Variants in NCOR1 observed in about 807,000 individuals in gnomAD.
The protein encoded by NCOR1 is nuclear receptor corepressor 1.
NCOR1 carries 63 observed loss-of-function variants against 288.1 expected under a neutral mutation model. That is an observed-to-expected ratio of 0.22 (90% CI 0.18 to 0.27). The LOEUF (loss-of-function observed/expected upper bound fraction) is 0.27, where lower values mean the gene tolerates loss of function less well. Ranked by LOEUF, NCOR1 falls within the 10% of genes least tolerant of loss-of-function variation. The pLI is 1.00. For missense variants in NCOR1, 2,397 were observed against 3,019.2 expected (o/e 0.79, Z 4.83); for synonymous variants, 1,007 against 1,065.9 (o/e 0.94, Z 1.08).
At chr17:16,169,077 C>T (rs1348827114) in intron 4 of NCOR1, among the ~76,000 whole-genome samples, 2 of 151,986 alleles carry the variant, frequency 1.3e-5, no homozygotes, top group African/African-American at 4.8e-5. Context: ...TTTATTTATG[C>T]ATATGTGGAA....
rs569074674 is a variant in NCOR1 at position 16,067,909 on chromosome 17, T to C, written c.4726A>G (p.Arg1576Gly). The change falls in exon 32 of 46, where the codon AGG becomes GGG. Residue 1576 changes from arginine (R) to glycine (G), a missense_variant. This residue lies in a region of NCOR1 where 1,872 missense variants were observed against 2,187.8 expected (regional missense o/e 0.86). Transcript: ENST00000268712. ...THLDPAMPFH[R>G]ALDPAAAAYL... ...TTGTGTTTACCAGGATCCAAAGCCC[T>C]GTGAAAAGGCATGGCTGGATCCAAG... The C allele has an allele frequency of 1.2e-6, 2 of 1,613,528 alleles. No individual in the cohort carries two copies. The highest frequency in any genetic ancestry group is 1.7e-6 in the Non-Finnish European group (2 of 1,179,692).
rs2063246882 is a variant in NCOR1, at chr17:16,080,593, A to G, written c.3298+14T>C. 1 of 1,614,170 alleles carries G rather than the reference A, an allele frequency of 6.2e-7. No homozygotes were observed. The highest frequency in any genetic ancestry group is 2.2e-5 in the East Asian group (1 of 44,880). The stretch of plus-strand genomic sequence containing the variant: ...ACAAACGTAGATGCATTATGACTGT[A>G]TTAACTCACTGACCTGATTTGGCAG... On this transcript the variant is annotated intron_variant, in intron 24 of 45. Coordinates refer to ENST00000268712, the MANE Select transcript of NCOR1 (RefSeq NM_006311.4).
At chr17:16,163,948 T>C (rs185962915) in intron 5 of NCOR1, among the ~76,000 whole-genome samples, 27 of 152,294 alleles carry the variant, frequency 1.8e-4, no homozygotes, top group Admixed American at 3.3e-4. Flanking sequence ...TGCTAGTCCA[T>C]AGAGACAGAG....
chr17:16,138,674 C>T (rs2076768486), intron 12 of NCOR1, among the ~76,000 whole-genome samples: 1 of 152,180 alleles, frequency 6.6e-6, no homozygotes, highest in Admixed American at 6.5e-5. Context: ...TTTTAAAGGG[C>T]ACAGATTTCT....
At chr17:16,214,572 G>A (rs534533172) in intron 1 of NCOR1, among the ~76,000 whole-genome samples, 3 of 152,308 alleles carry the variant, frequency 2.0e-5, no homozygotes, top group South Asian at 4.1e-4. Context: ...AAGAGGCACC[G>A]CAGCATGCAA....
At chr17:16,043,405 TA>T (rs991252674) in intron 42 of NCOR1, among the ~76,000 whole-genome samples, 2 of 148,760 alleles carry the variant, frequency 1.3e-5, no homozygotes, top group Non-Finnish European at 1.5e-5. Context: ...GTTCTTGCAA[TA>T]AAAAAAAAAT....
At chr17:16,160,249 T>C (rs2080556802) in intron 5 of NCOR1, among the ~76,000 whole-genome samples, 1 of 152,196 alleles carries the variant, frequency 6.6e-6, no homozygotes, top group Non-Finnish European at 1.5e-5. Context: ...ATATAAAGCA[T>C]ATTACAATTA....
chr17:16,036,811 TA>T (rs1275916283), intron 44 of NCOR1, among the ~76,000 whole-genome samples: 16 of 152,354 alleles, frequency 1.1e-4, no homozygotes, highest in Non-Finnish European at 2.1e-4. Context: ...TCCAGACCAC[TA>T]AAATCTTCTG....
intron 16 of NCOR1, among the ~76,000 whole-genome samples, chr17:16,120,011 C>A (rs2072652798): frequency 6.6e-6 from 1 of 152,084 alleles, no homozygotes; most frequent in Non-Finnish European, 1.5e-5. Flanking sequence ...AAAACAAAAC[C>A]TGAGAACATC....
At chr17:16,119,639 T>C (rs541467527) in intron 16 of NCOR1, among the ~76,000 whole-genome samples, 154 bp from the exon 17 acceptor site, 5 of 152,326 alleles carry the variant, frequency 3.3e-5, no homozygotes, top group African/African-American at 1.2e-4. Flanking sequence ...TAACCTCTCC[T>C]CCACCAAACT....
chr17:16,113,892 C>CA (rs967507556), intron 18 of NCOR1, among the ~76,000 whole-genome samples: 4 of 146,416 alleles, frequency 2.7e-5, no homozygotes, highest in South Asian at 4.3e-4. Context: ...GACTCCATCT[C>CA]AAAAAAAAAG....
At position 16,046,971 on chromosome 17, in the gene NCOR1, C is replaced by T; in HGVS notation, c.6659G>A (p.Gly2220Asp). ...QEIFRKLNSS[G>D]GGDSDMAAAQ... Reference sequence around the variant, plus strand: ...CTTACCCATATCAGAGTCACCTCCACCAGAGGAGTTCAACTTACGAAAAAT... The same window carrying T: ...CTTACCCATATCAGAGTCACCTCCATCAGAGGAGTTCAACTTACGAAAAAT... Residue 2220 changes from glycine to aspartate, a missense_variant, in exon 42 of 46, where the codon GGT (glycine) becomes GAT (aspartate). Physicochemically the swap from Gly to Asp is moderately conservative, Grantham distance 94. This residue lies in a region of NCOR1 where 1,872 missense variants were observed against 2,187.8 expected (regional missense o/e 0.86). Coordinates refer to ENST00000268712, the MANE Select transcript of NCOR1 (RefSeq NM_006311.4). The T allele has an allele frequency of 6.2e-7, 1 of 1,614,026 alleles. No individual in the cohort carries two copies. The highest frequency in any genetic ancestry group is 8.5e-7 in the Non-Finnish European group (1 of 1,179,954).
chr17:16,057,130 G>C, intron 40 of NCOR1: 1 of 199,200 alleles, frequency 5.0e-6, no homozygotes, highest in Non-Finnish European at 1.0e-5. Context: ...CACTATGTCT[G>C]GCCAATATCA....
intron 32 of NCOR1, chr17:16,065,957 C>T: frequency 2.2e-6 from 1 of 464,782 alleles, no homozygotes; most frequent in East Asian, 3.9e-5. Flanking sequence ...CAATCTTTGA[C>T]ATGTAACTTT....
chr17:16,101,184 C>A, intron 20 of NCOR1, 66 bp downstream of exon 20: 1 of 1,489,090 alleles, frequency 6.7e-7, no homozygotes, highest in South Asian at 1.3e-5. Flanking sequence ...GCAGCCAGCA[C>A]CACCCTGTGA....
intron 34 of NCOR1, 32 bp downstream of exon 34, chr17:16,064,838 T>C (rs1340755180): frequency 5.2e-6 from 8 of 1,525,086 alleles, no homozygotes; most frequent in African/African-American, 2.8e-5. Flanking sequence ...ATGATGGTTC[T>C]ATTAGAGAGG....
chr17:16,070,580 A>C (rs2152727215), intron 30 of NCOR1, 55 bp from the exon 31 acceptor site: 1 of 1,576,210 alleles, frequency 6.3e-7, no homozygotes, highest in Non-Finnish European at 8.6e-7. Context: ...CTACTTTTCT[A>C]TCTCAGGTCT....
intron 5 of NCOR1, among the ~76,000 whole-genome samples, chr17:16,159,846 T>C (rs555849540): frequency 1.3e-5 from 2 of 151,924 alleles, no homozygotes; most frequent in Non-Finnish European, 2.9e-5. Context: ...TCAATCTTTT[T>C]TTTTTTTTTT....
intron 3 of NCOR1, among the ~76,000 whole-genome samples, chr17:16,179,333 T>A (rs1480591550): frequency 1.3e-5 from 2 of 152,112 alleles, no homozygotes; most frequent in Non-Finnish European, 2.9e-5. Context: ...AGGAACTATA[T>A]GAACCATTAT....
Sources: gnomAD v4.1 joint callset for allele counts (sites outside exome capture counted in the v4.1 genomes callset) on GRCh38, gnomAD v4.1.1 for gene constraint, gnomAD v4.1.1 regional missense constraint, MANE v1.5 for transcripts, NCBI Gene and HGNC (gene_info 2026-07-23, HGNC 2026-07-21) for gene names.